The following GGACT variants were observed in gnomAD, a reference collection of about 807,000 sequenced individuals.
GGACT encodes gamma-glutamylamine cyclotransferase, also known as gamma-glutamylaminecyclotransferase.
For synonymous variants in GGACT, 118 were observed against 115.3 expected (o/e 1.02, Z -0.15); for missense variants, 241 against 233.2 (o/e 1.03, Z -0.22).
chr13:100,564,835 G>C (rs111713435), intron 2 of GGACT, among the ~76,000 whole-genome samples: 1 of 152,164 alleles, frequency 6.6e-6, no homozygotes, highest in African/African-American at 2.4e-5. Flanking sequence ...GGGCGGGGGG[G>C]CTGGGCCTGA....
chr13:100,562,246 T>C (rs572483643), intron 2 of GGACT, among the ~76,000 whole-genome samples: 1 of 152,262 alleles, frequency 6.6e-6, no homozygotes, highest in South Asian at 2.1e-4. Context: ...ACCCTAGATA[T>C]TCTCTACAAC....
At chr13:100,547,908 G>A (rs969603567) in intron 2 of GGACT, among the ~76,000 whole-genome samples, 1 of 152,232 alleles carries the variant, frequency 6.6e-6, no homozygotes, top group East Asian at 1.9e-4. Flanking sequence ...CACAGCAAAC[G>A]GTTTGCCTTT....
intron 2 of GGACT, among the ~76,000 whole-genome samples, chr13:100,548,977 C>T (rs1175408159): frequency 7.2e-5 from 11 of 152,354 alleles, no homozygotes; most frequent in African/African-American, 2.6e-4. Flanking sequence ...CCACCAAATA[C>T]AACTGCAAGA....
At chr13:100,536,097 T>C (rs1351119642) in intron 2 of GGACT, 2 of 152,250 alleles carry the variant, frequency 1.3e-5, no homozygotes, top group African/African-American at 4.8e-5. Flanking sequence ...CATTTCTTCA[T>C]TGTCTTCTAA....
intron 2 of GGACT, among the ~76,000 whole-genome samples, chr13:100,557,579 T>C (rs745638174): frequency 1.3e-5 from 2 of 151,982 alleles, no homozygotes; most frequent in South Asian, 2.1e-4. Context: ...GCAAAAAAAA[T>C]AGATTTTTAA....
At chr13:100,572,975 TA>T (rs1349063403) in intron 2 of GGACT, among the ~76,000 whole-genome samples, 1 of 152,200 alleles carries the variant, frequency 6.6e-6, no homozygotes, top group African/African-American at 2.4e-5. Flanking sequence ...CATCTTTTAT[TA>T]ATACCCTTGG....
chr13:100,546,829 C>T (rs1204907510), intron 2 of GGACT, among the ~76,000 whole-genome samples: 3 of 152,246 alleles, frequency 2.0e-5, no homozygotes, highest in African/African-American at 7.2e-5. Flanking sequence ...TCTTGCTTTT[C>T]GAGCAAGGGA....
intron 2 of GGACT, among the ~76,000 whole-genome samples, chr13:100,564,635 G>A (rs1239234827): frequency 1.3e-5 from 2 of 152,080 alleles, no homozygotes; most frequent in Admixed American, 6.5e-5. Flanking sequence ...CCTAAATAAC[G>A]CTGAGTACAC....
intron 2 of GGACT, among the ~76,000 whole-genome samples, chr13:100,571,077 A>G (rs1057033321): frequency 5.9e-5 from 9 of 152,206 alleles, no homozygotes; most frequent in African/African-American, 2.2e-4. Context: ...GGCATTAAAG[A>G]GACAGGGAAG....
chr13:100,533,174 C>T (rs891344608), intron 2 of GGACT: 11 of 158,952 alleles, frequency 6.9e-5, no homozygotes, highest in Admixed American at 1.2e-4. Context: ...CTACCCCCAT[C>T]GTAGCAGCTC....
chr13:100,532,225 T>C lies in GGACT; in HGVS notation c.367A>G (p.Thr123Ala). ...AVQCFVYSRA[T>A]FPPEWAQLPH... is the part of the protein sequence containing the mutation. ...AGCTGGGCCCACTCCGGCGGGAAGG[T>C]GGCCCTGCTGTACACGAAGCACTGC... Residue 123 changes from threonine to alanine, a missense_variant, in exon 3 of 3, where the codon ACC becomes GCC. By Grantham distance (58) the Thr-to-Ala change is moderately conservative. Transcript: ENST00000683975. The C allele has an allele frequency of 1.3e-6, 2 of 1,487,542 alleles. No individual in the cohort carries two copies. The highest frequency in any genetic ancestry group is 1.8e-6 in the Non-Finnish European group (2 of 1,111,866). The allele number at this position is 1,487,542 out of a possible 1,614,324, so 92.1% of individuals were successfully genotyped here.
At chr13:100,562,002 C>A (rs2153015291) in intron 2 of GGACT, among the ~76,000 whole-genome samples, 1 of 152,340 alleles carries the variant, frequency 6.6e-6, no homozygotes, top group East Asian at 1.9e-4. Context: ...CCGGAGGAGG[C>A]TGTGCCCAAC....
chr13:100,532,474 AG>A lies in GGACT; in HGVS notation c.117del (p.Tyr40ThrfsTer4), dbSNP rs765150913. The A allele has an allele frequency of 6.5e-7, 1 of 1,549,582 alleles. No homozygotes were observed. The highest frequency in any genetic ancestry group is 1.2e-5 in the South Asian group (1 of 84,044). ...AFRARGRTLEPYPLVIAGEHN... is the reference protein window; with the variant it reads ...AFRARGRTLEXYPLVIAGEHN... Reference sequence around the variant, plus strand: ...TGCTCCCCCGCGATCACCAACGGGTAGGGCTCCAGCGTGCGGCCGCGCGCCC... The same window carrying A: ...TGCTCCCCCGCGATCACCAACGGGTAGGCTCCAGCGTGCGGCCGCGCGCCC... On this transcript the variant is annotated frameshift_variant, in exon 3 of 3. Transcript: ENST00000683975. LOFTEE classifies it low-confidence loss of function (END_TRUNC).
rs951481400 is a variant in GGACT, at chr13:100,531,439, G to A, written c.*691C>T. The A allele has an allele frequency of 6.6e-6, 1 of 152,340 alleles. No homozygotes were observed. The highest frequency in any genetic ancestry group is 1.5e-5 in the Non-Finnish European group (1 of 68,042). 9.4% of individuals were successfully genotyped at this position (152,340 alleles called of 1,614,324 possible). ...CCACTTGAAGTCCGGGCGCTCAGCT[G>A]TGTCTACCAGCAAGTGGGTGTTCAT... On this transcript the variant is annotated 3_prime_UTR_variant, in exon 3 of 3. Coordinates refer to ENST00000683975, the MANE Select transcript of GGACT (RefSeq NM_001195087.2).
chr13:100,559,375 T>C (rs918708573), intron 2 of GGACT, among the ~76,000 whole-genome samples: 1 of 151,780 alleles, frequency 6.6e-6, no homozygotes, highest in African/African-American at 2.4e-5. Context: ...TTTAGTAGAA[T>C]AGGGTTTCAC....
chr13:100,555,532 G>GT (rs927507690), intron 2 of GGACT, among the ~76,000 whole-genome samples: 89 of 151,472 alleles, frequency 5.9e-4, no homozygotes, highest in Non-Finnish European at 1.1e-3. Flanking sequence ...CCCATCTCAG[G>GT]TTTTTTTTAA....
At chr13:100,550,057 G>A (rs1279721733) in intron 2 of GGACT, among the ~76,000 whole-genome samples, 6 of 152,104 alleles carry the variant, frequency 3.9e-5, no homozygotes, top group Non-Finnish European at 7.3e-5. Context: ...AGGAAGAAGG[G>A]AGCGGGGAAG....
chr13:100,539,745 T>G (rs1012723473), intron 2 of GGACT: 1 of 622,096 alleles, frequency 1.6e-6, no homozygotes, highest in Non-Finnish European at 2.8e-6. Flanking sequence ...TTTAGAAGAG[T>G]TTCAGGAGGA....
At chr13:100,533,633 A>C (rs1467682437) in intron 2 of GGACT, 3 of 152,246 alleles carry the variant, frequency 2.0e-5, no homozygotes, top group Non-Finnish European at 2.9e-5. Flanking sequence ...AGTCTGACGC[A>C]GCGGAGCTCA....
Sources: allele counts gnomAD v4.1 joint callset (sites outside exome capture counted in the v4.1 genomes callset), GRCh38; gene constraint gnomAD v4.1.1; transcripts MANE v1.5; gene names NCBI Gene and HGNC (gene_info 2026-07-23, HGNC 2026-07-21).